SPATA6: variants seen among roughly 807,000 people sequenced by gnomAD.
The protein encoded by SPATA6 is spermatogenesis-associated protein 6.
A neutral mutation model predicts 65.3 loss-of-function variants in SPATA6; 56 were observed. The observed-to-expected ratio is 0.86, with a 90% CI of 0.69 to 1.07. SPATA6 has a LOEUF of 1.07. Ranked by LOEUF, SPATA6 falls within the 50% of genes least tolerant of loss-of-function variation. The probability of loss-of-function intolerance (pLI) is 0.00; values close to 1 mark genes in which losing one functional copy is unlikely to be tolerated. For missense variants in SPATA6, 590 were observed against 594.8 expected (o/e 0.99, Z 0.08); for synonymous variants, 199 against 213.2 (o/e 0.93, Z 0.58).
chr1:48,452,386 TC>T (rs1475565312), intron 2 of SPATA6, among the ~76,000 whole-genome samples: 1 of 142,272 alleles, frequency 7.0e-6, no homozygotes, highest in Admixed American at 7.3e-5. Flanking sequence ...TATCATATAT[TC>T]TTTTTTTTTT....
chr1:48,441,041 C>A (rs545797525), intron 3 of SPATA6, among the ~76,000 whole-genome samples: 150 of 152,052 alleles, frequency 9.9e-4, no homozygotes, highest in Non-Finnish European at 1.9e-3. Context: ...GCAAGGACAC[C>A]GTAAAAAAGA....
chr1:48,321,530 T>C (rs1249552015), intron 11 of SPATA6, among the ~76,000 whole-genome samples: 1 of 152,028 alleles, frequency 6.6e-6, no homozygotes, highest in Non-Finnish European at 1.5e-5. Context: ...ATAAAGCAAA[T>C]ATTATTAGAG....
At chr1:48,274,404 C>A in the SPATA6 span, among the ~76,000 whole-genome samples, 1 of 151,982 alleles carries the variant, frequency 6.6e-6, no homozygotes, top group Non-Finnish European at 1.5e-5. Flanking sequence ...TTTAGTCATG[C>A]AGTCTTTGCC....
intron 11 of SPATA6, among the ~76,000 whole-genome samples, chr1:48,338,952 T>C (rs955217078): frequency 2.0e-5 from 3 of 152,012 alleles, no homozygotes; most frequent in African/African-American, 7.2e-5. Context: ...CTTCTGAGAT[T>C]AGTAGAAGCT....
intron 1 of SPATA6, among the ~76,000 whole-genome samples, chr1:48,456,770 T>G (rs1053995051): frequency 4.3e-4 from 65 of 152,066 alleles, no homozygotes; most frequent in African/African-American, 1.6e-3. Flanking sequence ...CAAGAGGAGA[T>G]ATGAGCTGTC....
chr1:48,277,602 T>A, the SPATA6 span, among the ~76,000 whole-genome samples: 2 of 152,152 alleles, frequency 1.3e-5, no homozygotes, highest in African/African-American at 4.8e-5. Context: ...GAGATCAAAC[T>A]GCAAGGTGGC....
At chr1:48,283,854 C>T in the SPATA6 span, among the ~76,000 whole-genome samples, 2 of 151,886 alleles carry the variant, frequency 1.3e-5, no homozygotes, top group Non-Finnish European at 2.9e-5. Context: ...CTCTGGCTGC[C>T]CTTAACATTT....
intron 11 of SPATA6, chr1:48,326,102 C>T (rs1380695130): frequency 1.3e-5 from 2 of 156,058 alleles, no homozygotes; most frequent in African/African-American, 4.8e-5. Flanking sequence ...AGGCTGGAGC[C>T]AGAGTCTGTG....
intron 11 of SPATA6, among the ~76,000 whole-genome samples, chr1:48,341,873 T>C (rs1646224882): frequency 6.6e-6 from 1 of 152,190 alleles, no homozygotes; most frequent in Non-Finnish European, 1.5e-5. Context: ...ACTGACAGAA[T>C]GCAAGTTCAG....
intron 3 of SPATA6, among the ~76,000 whole-genome samples, chr1:48,433,638 C>A (rs558706117): frequency 1.5e-3 from 227 of 152,244 alleles, no homozygotes; most frequent in Non-Finnish European, 2.5e-3. Context: ...TGTACCAGCA[C>A]AAACAGCTGC....
At chr1:48,286,266 T>C in the SPATA6 span, among the ~76,000 whole-genome samples, 1 of 149,704 alleles carries the variant, frequency 6.7e-6, no homozygotes, top group African/African-American at 2.6e-5. Context: ...TTGCTTTGGG[T>C]AGTACAGACA....
chr1:48,299,537 A>AAAAAAAAAAAAAAAAT (rs1569971516), intron 12 of SPATA6, among the ~76,000 whole-genome samples: 2 of 149,972 alleles, frequency 1.3e-5, no homozygotes, highest in Non-Finnish European at 3.0e-5. Context: ...AAAAAAAAAA[A>AAAAAAAAAAAAAAAAT]GAATGCATAG....
intron 3 of SPATA6, among the ~76,000 whole-genome samples, chr1:48,415,426 T>G (rs1415919396): frequency 6.6e-6 from 1 of 152,250 alleles, no homozygotes; most frequent in African/African-American, 2.4e-5. Flanking sequence ...GTGTTTTTGG[T>G]TTTTGTTTTT....
rs115296102 is a variant in SPATA6, at chr1:48,311,641, G to C, written c.1195-5763C>G. ...CTCCAGTCTACAGCTCCCAACGTGA[G>C]CGACACAGAAGACAAATGATTTCTG... On this transcript the variant is annotated intron_variant, in intron 11 of 12. Coordinates refer to ENST00000371847, the MANE Select transcript of SPATA6 (RefSeq NM_019073.4). 3.8e-3 allele frequency among the ~76,000 whole-genome samples: 574 copies of C among 152,302 alleles called. 7 individuals carry two copies. Among genetic ancestry groups the C allele is most frequent in the African/African-American group, 0.013 (552 of 41,568 alleles).
Position 48,297,144 on chromosome 1 carries a change from GTGTGTGTGTGTGTGTGTGTA to G in SPATA6, c.*1549_*1568del, listed in dbSNP as rs1052717273. ...CTAAGAGGTGTGTGTGTGTGTGTGT[GTGTGTGTGTGTGTGTGTGTA>G]TGTGTGTAGCAAACAGATTTTCCTA... On this transcript the variant is annotated 3_prime_UTR_variant, in exon 13 of 13. Coordinates refer to ENST00000371847, the MANE Select transcript of SPATA6 (RefSeq NM_019073.4). 38 of 151,508 alleles carry G rather than the reference GTGTGTGTGTGTGTGTGTGTA, an allele frequency of 2.5e-4. No individual in the cohort carries two copies. Among genetic ancestry groups the G allele is most frequent in the African/African-American group, 8.6e-4 (35 of 40,848 alleles). 9.4% of individuals were successfully genotyped at this position (151,508 alleles called of 1,614,324 possible). A position where few individuals can be genotyped will look rare whatever the true frequency, so the allele number is the denominator to read the frequency against.
At chr1:48,411,777 A>C (rs17429704) in intron 4 of SPATA6, among the ~76,000 whole-genome samples, 189 bp from the exon 5 acceptor site, 7,093 of 152,288 alleles carry the variant, frequency 0.047, 244 homozygotes, top group Middle Eastern at 0.075. Flanking sequence ...CCTTTTTCAG[A>C]AACATACTAC....
the SPATA6 span, among the ~76,000 whole-genome samples, chr1:48,275,766 T>C: frequency 3.9e-5 from 6 of 152,222 alleles, no homozygotes; most frequent in Non-Finnish European, 5.9e-5. Flanking sequence ...GATTTAGCAG[T>C]TTATTTAGGA....
chr1:48,410,264 A>G (rs1461347599), intron 5 of SPATA6, among the ~76,000 whole-genome samples: 1 of 152,218 alleles, frequency 6.6e-6, no homozygotes, highest in Non-Finnish European at 1.5e-5. Context: ...GCTAAAGCAT[A>G]GCAAGAGTCA....
At chr1:48,264,179 T>TA in the SPATA6 span, among the ~76,000 whole-genome samples, 1 of 152,172 alleles carries the variant, frequency 6.6e-6, no homozygotes, top group Non-Finnish European at 1.5e-5. Context: ...GGATGTCAGA[T>TA]ATATCTGCTC....
Sources: allele counts gnomAD v4.1 joint callset (sites outside exome capture counted in the v4.1 genomes callset), GRCh38; gene constraint gnomAD v4.1.1; transcripts MANE v1.5; gene names NCBI Gene and HGNC (gene_info 2026-07-23, HGNC 2026-07-21).